The following DOCK8 variants were observed in gnomAD, a reference collection of about 807,000 sequenced individuals.
The protein encoded by DOCK8 is dedicator of cytokinesis protein 8.
DOCK8 carries 141 observed loss-of-function variants against 245.6 expected under a neutral mutation model. The observed-to-expected ratio is 0.57, with a 90% CI of 0.50 to 0.66. The LOEUF is 0.66. Among genes scored for constraint, DOCK8 ranks in the 30% least tolerant of loss-of-function variants. The pLI, the probability that DOCK8 is intolerant of heterozygous loss-of-function variation, is 0.00. For synonymous variants in DOCK8, 1,168 were observed against 970.2 expected (o/e 1.20, Z -3.79); for missense variants, 2,965 against 2,603.4 (o/e 1.14, Z -3.02).
intron 5 of DOCK8, among the ~76,000 whole-genome samples, chr9:310,870 C>T (rs956046849): frequency 1.3e-5 from 2 of 152,118 alleles, no homozygotes; most frequent in African/African-American, 2.4e-5. Flanking sequence ...GACATTCACA[C>T]CTTTGTGATG....
At chr9:395,053 ATCT>A (rs1288607491) in intron 24 of DOCK8, among the ~76,000 whole-genome samples, 2 of 152,198 alleles carry the variant, frequency 1.3e-5, no homozygotes, top group Admixed American at 6.5e-5. Flanking sequence ...AAGAGGCCTT[ATCT>A]TCTTAAGTCC....
In DOCK8 at chr9:449,773, C is replaced by T; in HGVS notation, c.5818-11C>T. 6.2e-7 allele frequency: 1 copy of T among 1,612,544 alleles called. No individual in the cohort carries two copies. The highest frequency in any genetic ancestry group is 8.5e-7 in the Non-Finnish European group (1 of 1,180,014). ...GACAGTGACTTCCCTATGTTTACGT[C>T]TCATGTTCAGTTTGTTTTGACACCG... On this transcript the variant is annotated splice_polypyrimidine_tract_variant and intron_variant, in intron 44 of 47. Coordinates refer to ENST00000432829, the MANE Select transcript of DOCK8 (RefSeq NM_203447.4).
chr9:400,130 CCAT>C (rs1466807013), intron 26 of DOCK8, among the ~76,000 whole-genome samples: 5 of 102,284 alleles, frequency 4.9e-5, no homozygotes, highest in South Asian at 3.2e-4. Flanking sequence ...AGCATCTTCA[CCAT>C]CACCACCACC....
intron 29 of DOCK8, among the ~76,000 whole-genome samples, chr9:417,240 G>A (rs557517673): frequency 2.6e-5 from 4 of 152,124 alleles, no homozygotes; most frequent in African/African-American, 4.8e-5. Flanking sequence ...CGGAGATGGC[G>A]CCACTGCACT....
intron 34 of DOCK8, among the ~76,000 whole-genome samples, chr9:427,991 C>A (rs1564056280): frequency 6.6e-6 from 1 of 152,182 alleles, no homozygotes; most frequent in Non-Finnish European, 1.5e-5. Flanking sequence ...ATTGCTGCCA[C>A]CAAGCAGCCC....
chr9:393,690 T>C (rs1034131218), intron 24 of DOCK8, among the ~76,000 whole-genome samples: 6 of 152,208 alleles, frequency 3.9e-5, no homozygotes, highest in African/African-American at 1.4e-4. Context: ...GATGAAGTTT[T>C]TTGGGAAGAA....
At chr9:277,466 GA>G (rs2048396284) in intron 2 of DOCK8, among the ~76,000 whole-genome samples, 1 of 75,002 alleles carries the variant, frequency 1.3e-5, no homozygotes, top group Non-Finnish European at 2.8e-5. Flanking sequence ...AGAGAGAAGA[GA>G]AGAGAAGAGA....
chr9:449,877 A>G lies in DOCK8; in HGVS notation c.5911A>G (p.Lys1971Glu), dbSNP rs1210142565. 1 of 1,613,856 alleles carries G rather than the reference A, an allele frequency of 6.2e-7. No individual in the cohort carries two copies. Among genetic ancestry groups the G allele is most frequent in the South Asian group, 1.1e-5 (1 of 91,056 alleles). Residue 1971 changes from lysine to glutamate, a missense_variant, in exon 45 of 48, where the codon AAG becomes GAG. By Grantham distance (56) the Lys-to-Glu change is moderately conservative. This residue lies in a region of DOCK8 where 2,825 missense variants were observed against 2,453.5 expected (regional missense o/e 1.15). Coordinates refer to ENST00000432829, the MANE Select transcript of DOCK8 (RefSeq NM_203447.4). ...CATTAACCAGGAGCCGCCTGATGCA[A>G]AGATGCTTCAGATGGTGCTGCAAGG... is the stretch of plus-strand genomic sequence containing the variant. ...VAINQEPPDAKMLQMVLQGSV... is the reference protein window; with the variant it reads ...VAINQEPPDAEMLQMVLQGSV...
chr9:423,578 C>G (rs1010901402), intron 33 of DOCK8, among the ~76,000 whole-genome samples: 2 of 152,114 alleles, frequency 1.3e-5, no homozygotes, highest in African/African-American at 4.8e-5. Flanking sequence ...ACTTATGGGA[C>G]TTTGGGGAGT....
chr9:251,710 T>A (rs1377441737), intron 1 of DOCK8, among the ~76,000 whole-genome samples: 3 of 152,106 alleles, frequency 2.0e-5, no homozygotes, highest in Admixed American at 1.3e-4. Context: ...AAAGTGAAGA[T>A]AATAATACCT....
intron 46 of DOCK8, among the ~76,000 whole-genome samples, chr9:454,016 A>G (rs1215234644): frequency 6.6e-6 from 1 of 152,226 alleles, no homozygotes; most frequent in Middle Eastern, 3.2e-3. Flanking sequence ...TGCATGGCTG[A>G]ATAATAGAAT....
At chr9:227,234 G>C (rs959150193) in intron 1 of DOCK8, among the ~76,000 whole-genome samples, 1 of 152,226 alleles carries the variant, frequency 6.6e-6, no homozygotes, top group African/African-American at 2.4e-5. Context: ...ATGGGATAAG[G>C]ATGATGCCAA....
At chr9:344,116 A>G (rs1563944731) in intron 14 of DOCK8, among the ~76,000 whole-genome samples, 2 of 152,090 alleles carry the variant, frequency 1.3e-5, no homozygotes, top group African/African-American at 4.8e-5. Flanking sequence ...TAGAAGTGCC[A>G]AGGACACCCC....
At chr9:284,756 G>C (rs1586595972) in intron 2 of DOCK8, among the ~76,000 whole-genome samples, 1 of 152,158 alleles carries the variant, frequency 6.6e-6, no homozygotes, top group Non-Finnish European at 1.5e-5. Context: ...GGAATACTAT[G>C]CAGCCATAAA....
At chr9:334,442 C>T in intron 11 of DOCK8, 58 bp downstream of exon 11, 1 of 1,573,882 alleles carries the variant, frequency 6.4e-7, no homozygotes, top group Non-Finnish European at 8.7e-7. Context: ...CTGCCCAGGT[C>T]CACAGCTTAC....
At chr9:432,391 T>C in intron 37 of DOCK8, 67 bp downstream of exon 37, 13 of 1,408,636 alleles carry the variant, frequency 9.2e-6, no homozygotes, top group Non-Finnish European at 1.2e-5. Flanking sequence ...TGTATGTATG[T>C]ATGTACATAT....
At chr9:249,157 G>A (rs911947697) in intron 1 of DOCK8, among the ~76,000 whole-genome samples, 16 of 152,238 alleles carry the variant, frequency 1.1e-4, no homozygotes, top group African/African-American at 3.6e-4. Flanking sequence ...TCTTGGGCCA[G>A]TGCCAACAAA....
At position 446,424 on chromosome 9, in the gene DOCK8, G is replaced by T. The variant is rs375488228; in HGVS notation, c.5635G>T (p.Asp1879Tyr). 4 of 1,614,046 alleles carry T rather than the reference G, an allele frequency of 2.5e-6. No individual in the cohort carries two copies. In the African/African-American group the frequency reaches 5.3e-5, roughly 22 times the overall value. ...EPYFDEYEMK[D>Y]RVTYFEKNFN... ...CTACTTTGATGAGTATGAGATGAAA[G>T]ACAGGGTCACATACTTTGAGAAGAA... The change falls in exon 44 of 48, where the codon GAC becomes TAC. Residue 1879 changes from aspartate (D) to tyrosine (Y), a missense_variant. This residue lies in a region of DOCK8 where 2,825 missense variants were observed against 2,453.5 expected (regional missense o/e 1.15). Transcript: ENST00000432829.
intron 1 of DOCK8, among the ~76,000 whole-genome samples, chr9:238,423 G>C (rs1306715254): frequency 6.6e-6 from 1 of 152,096 alleles, no homozygotes; most frequent in African/African-American, 2.4e-5. Context: ...TTCCACACTT[G>C]GTAGATACTC....
Sources: gnomAD v4.1 joint callset for allele counts (sites outside exome capture counted in the v4.1 genomes callset) on GRCh38, gnomAD v4.1.1 for gene constraint, gnomAD v4.1.1 regional missense constraint, MANE v1.5 for transcripts, NCBI Gene and HGNC (gene_info 2026-07-23, HGNC 2026-07-21) for gene names.